ZNF804B: variants seen among roughly 807,000 people sequenced by gnomAD.
ZNF804B encodes the protein zinc finger protein 804B.
In ZNF804B, 80 loss-of-function variants were observed where a neutral mutation model predicts 101.4. That is an observed-to-expected ratio of 0.79 (90% confidence interval 0.66 to 0.95). The LOEUF (loss-of-function observed/expected upper bound fraction) is 0.95, where lower values mean the gene tolerates loss of function less well. Ranked by LOEUF, ZNF804B falls within the 40% of genes least tolerant of loss-of-function variation. ZNF804B has a pLI of 0.00. For missense variants in ZNF804B, 1,673 were observed against 1,561.9 expected (o/e 1.07, Z -1.20); for synonymous variants, 622 against 558.8 (o/e 1.11, Z -1.59).
intron 1 of ZNF804B, among the ~76,000 whole-genome samples, chr7:88,951,883 A>G (rs963924409): frequency 1.3e-5 from 2 of 151,908 alleles, no homozygotes; most frequent in African/African-American, 4.8e-5. Flanking sequence ...CAAGTTTAAA[A>G]TATATAAACA....
At chr7:88,988,535 A>G (rs891358133) in intron 1 of ZNF804B, among the ~76,000 whole-genome samples, 16 of 152,192 alleles carry the variant, frequency 1.1e-4, no homozygotes, top group African/African-American at 3.6e-4. Flanking sequence ...ATAGAATAAC[A>G]AAAGGAGCAT....
intron 1 of ZNF804B, among the ~76,000 whole-genome samples, chr7:88,849,673 G>C (rs1339451145): frequency 6.6e-6 from 1 of 150,678 alleles, no homozygotes; most frequent in African/African-American, 2.4e-5. Context: ...CTAATTAAAA[G>C]TTACTTCTTA....
chr7:88,917,050 A>G (rs1792642805), intron 1 of ZNF804B, among the ~76,000 whole-genome samples: 1 of 152,116 alleles, frequency 6.6e-6, no homozygotes, highest in African/African-American at 2.4e-5. Flanking sequence ...GGATCACCTG[A>G]AGTCAGGAGT....
At chr7:88,918,470 G>A (rs780466429) in intron 1 of ZNF804B, among the ~76,000 whole-genome samples, 4 of 152,094 alleles carry the variant, frequency 2.6e-5, no homozygotes, top group Non-Finnish European at 5.9e-5. Flanking sequence ...TATCTGTTGA[G>A]AGTGTCTTGT....
intron 1 of ZNF804B, among the ~76,000 whole-genome samples, chr7:88,823,667 G>T (rs1014446927): frequency 6.6e-6 from 1 of 152,044 alleles, no homozygotes. Context: ...ACCCTTCTCA[G>T]TCCCCAGGTA....
intron 1 of ZNF804B, among the ~76,000 whole-genome samples, chr7:88,982,531 C>T (rs1345198094): frequency 1.3e-5 from 2 of 152,048 alleles, no homozygotes; most frequent in Non-Finnish European, 2.9e-5. Flanking sequence ...CAGATGGCTG[C>T]CTTCTTACTG....
intron 1 of ZNF804B, among the ~76,000 whole-genome samples, chr7:89,044,587 C>A (rs181159457): frequency 2.4e-3 from 369 of 152,224 alleles, no homozygotes; most frequent in African/African-American, 8.0e-3. Flanking sequence ...CTGATAGCGA[C>A]ATGGACAATG....
chr7:89,148,784 T>G (rs1790827305), intron 1 of ZNF804B, among the ~76,000 whole-genome samples: 1 of 152,096 alleles, frequency 6.6e-6, no homozygotes, highest in South Asian at 2.1e-4. Flanking sequence ...TAAATTATGT[T>G]GTATTGACTA....
intron 2 of ZNF804B, among the ~76,000 whole-genome samples, chr7:89,269,624 A>C (rs1789852706): frequency 1.3e-5 from 2 of 152,102 alleles, no homozygotes; most frequent in South Asian, 2.1e-4. Flanking sequence ...TTCTAGGTCC[A>C]TGAGGAATCG....
chr7:89,285,522 C>CAAAAAAAAAAAAAAAAAAAAA (rs778078214), intron 2 of ZNF804B, among the ~76,000 whole-genome samples: 3 of 22,398 alleles, frequency 1.3e-4, no homozygotes, highest in Non-Finnish European at 2.4e-4. Flanking sequence ...GACTCTGTCT[C>CAAAAAAAAAAAAAAAAAAAAA]AAAAAAAAAA....
intron 1 of ZNF804B, among the ~76,000 whole-genome samples, chr7:88,847,159 A>G (rs1440311271): frequency 6.6e-6 from 1 of 151,988 alleles, no homozygotes; most frequent in African/African-American, 2.4e-5. Context: ...TTTAGAAAAT[A>G]TAAGAAAAAT....
chr7:88,835,134 T>C (rs1205008335), intron 1 of ZNF804B, among the ~76,000 whole-genome samples: 1 of 151,892 alleles, frequency 6.6e-6, no homozygotes, highest in Non-Finnish European at 1.5e-5. Context: ...TAACATTTTT[T>C]AGTGGTAATA....
At chr7:89,122,779 G>T (rs1053786719) in intron 1 of ZNF804B, among the ~76,000 whole-genome samples, 2 of 152,056 alleles carry the variant, frequency 1.3e-5, no homozygotes, top group African/African-American at 4.8e-5. Context: ...ACCATGAATC[G>T]AAGCAAGCTG....
At chr7:89,080,326 G>A (rs1366822142) in intron 1 of ZNF804B, among the ~76,000 whole-genome samples, 1 of 151,346 alleles carries the variant, frequency 6.6e-6, no homozygotes, top group Non-Finnish European at 1.5e-5. Flanking sequence ...TTGCTCATTT[G>A]CCTTGTGGGT....
At position 88,775,597 on chromosome 7, in the gene ZNF804B, C is replaced by T. The variant is rs373149338; in HGVS notation, c.108+15513C>T. On this transcript the variant is annotated intron_variant, in intron 1 of 3. Transcript: ENST00000333190. ...ACAAAAATCAGAAATAATTTATAAACAAGAAAATAGGAGTTCCAAAGTTGA... is the reference window on the plus strand; with the variant it reads ...ACAAAAATCAGAAATAATTTATAAATAAGAAAATAGGAGTTCCAAAGTTGA... Among the ~76,000 whole-genome samples the T allele has an allele frequency of 1.1e-4, 17 of 152,182 alleles. 2 individuals carry two copies. Among genetic ancestry groups the T allele is most frequent in the African/African-American group, 3.6e-4 (15 of 41,528 alleles).
chr7:89,281,353 T>C (rs1790091142), intron 2 of ZNF804B, among the ~76,000 whole-genome samples: 1 of 152,194 alleles, frequency 6.6e-6, no homozygotes, highest in South Asian at 2.1e-4. Flanking sequence ...TTTTCTCAAA[T>C]GATGTGAAAA....
chr7:89,070,899 C>G (rs1789527004), intron 1 of ZNF804B, among the ~76,000 whole-genome samples: 1 of 152,030 alleles, frequency 6.6e-6, no homozygotes, highest in East Asian at 1.9e-4. Flanking sequence ...TCCTAGTTAT[C>G]AAGATTTCAA....
chr7:89,261,802 A>C (rs1285095578), intron 2 of ZNF804B, among the ~76,000 whole-genome samples: 1 of 152,170 alleles, frequency 6.6e-6, no homozygotes, highest in Non-Finnish European at 1.5e-5. Context: ...AGGTATAGTA[A>C]AGTACAGTAT....
intron 1 of ZNF804B, among the ~76,000 whole-genome samples, chr7:89,067,934 G>A (rs373035987): frequency 5.4e-5 from 8 of 148,374 alleles, no homozygotes; most frequent in African/African-American, 1.7e-4. Flanking sequence ...TCAGCCTCAC[G>A]AGTAGCTGGG....
Sources: allele counts gnomAD v4.1 joint callset (sites outside exome capture counted in the v4.1 genomes callset), GRCh38; gene constraint gnomAD v4.1.1; transcripts MANE v1.5; gene names NCBI Gene and HGNC (gene_info 2026-07-23, HGNC 2026-07-21).